The following DNAH11 variants were observed in gnomAD, a reference collection of about 807,000 sequenced individuals.
DNAH11 encodes dynein axonemal heavy chain 11.
A neutral mutation model predicts 526.0 loss-of-function variants in DNAH11; 442 were observed. The ratio of observed to expected loss-of-function variants is 0.84; its 90% confidence interval spans 0.78 to 0.91. The LOEUF (loss-of-function observed/expected upper bound fraction) is 0.91. Ranked by LOEUF, DNAH11 falls within the 40% of genes least tolerant of loss-of-function variation. The pLI is 0.00. For synonymous variants in DNAH11, 2,461 were observed against 1,935.9 expected (o/e 1.27, Z -7.12); for missense variants, 6,989 against 5,448.7 (o/e 1.28, Z -8.90).
chr7:21,854,541 A>T, intron 68 of DNAH11, 86 bp downstream of exon 68: 2 of 1,315,256 alleles, frequency 1.5e-6, no homozygotes, highest in Non-Finnish European at 2.1e-6. Flanking sequence ...ATTATTGATA[A>T]TAATAATAAC....
At chr7:21,737,755 C>G (rs182125925) in intron 46 of DNAH11, among the ~76,000 whole-genome samples, 22 of 152,244 alleles carry the variant, frequency 1.4e-4, no homozygotes, top group African/African-American at 5.1e-4. Context: ...ACCCCCTAAG[C>G]AGGACCACAA....
chr7:21,690,886 G>C lies in DNAH11; in HGVS notation c.6041+5G>C, dbSNP rs1388934260. 2 of 1,606,360 alleles carry C rather than the reference G, an allele frequency of 1.2e-6. No homozygotes were observed. Among genetic ancestry groups the C allele is most frequent in the Non-Finnish European group, 1.7e-6 (2 of 1,174,340 alleles). ...AAATCTCAAAGCTCTTTTCAGGCAA[G>C]TGTTATGCTTTGTGGCTTAGCATCT... On this transcript the variant is annotated splice_donor_5th_base_variant and intron_variant, in intron 35 of 81. Transcript: ENST00000409508.
At chr7:21,707,163 T>A (rs995588910) in intron 39 of DNAH11, among the ~76,000 whole-genome samples, 1 of 152,140 alleles carries the variant, frequency 6.6e-6, no homozygotes, top group African/African-American at 2.4e-5. Flanking sequence ...CTGCCCTAAG[T>A]CTCTAGGTCT....
intron 28 of DNAH11, among the ~76,000 whole-genome samples, chr7:21,651,174 TC>T (rs1781749995): frequency 6.6e-6 from 1 of 152,090 alleles, no homozygotes; most frequent in African/African-American, 2.4e-5. Flanking sequence ...TATGAATGAG[TC>T]CTGAGGTGCT....
chr7:21,554,572 G>A (rs988701042), intron 2 of DNAH11, among the ~76,000 whole-genome samples: 1 of 152,108 alleles, frequency 6.6e-6, no homozygotes, highest in African/African-American at 2.4e-5. Flanking sequence ...CTCCCAGATG[G>A]TTATGGCCCC....
At chr7:21,730,744 T>G (rs1785343179) in intron 45 of DNAH11, among the ~76,000 whole-genome samples, 1 of 152,106 alleles carries the variant, frequency 6.6e-6, no homozygotes, top group African/African-American at 2.4e-5. Context: ...TTAGGAGAAA[T>G]AAGTTCAAGA....
At position 21,694,273 on chromosome 7, in the gene DNAH11, C is replaced by T. The variant is rs117962019; in HGVS notation, c.6041+3392C>T. Among the ~76,000 whole-genome samples, 597 of 152,210 alleles carry T rather than the reference C, an allele frequency of 3.9e-3. 3 individuals carry two copies. The highest frequency in any genetic ancestry group is 0.01 in the Middle Eastern group (3 of 294). ...GGTATACATGTGCAATGGTCGTTTG[C>T]TGCACCCATCAACCCATCATCTAGG... On this transcript the variant is annotated intron_variant, in intron 35 of 81. Coordinates refer to ENST00000409508, the MANE Select transcript of DNAH11 (RefSeq NM_001277115.2).
In DNAH11 at chr7:21,774,819, C is replaced by G. The variant is rs76169292; in HGVS notation, c.9336+820C>G. Among the ~76,000 whole-genome samples, 361 of 152,248 alleles carry G rather than the reference C, an allele frequency of 2.4e-3. 6 individuals are homozygous for G. The highest frequency in any genetic ancestry group is 6.0e-3 in the East Asian group (31 of 5,152). ...CTTTGAAGAGTAGCCCAGCCTTATTCTGAGCCAGTCAGGACTTAGAGCTGG... is the reference window on the plus strand; with the variant it reads ...CTTTGAAGAGTAGCCCAGCCTTATTGTGAGCCAGTCAGGACTTAGAGCTGG... On this transcript the variant is annotated intron_variant, in intron 56 of 81. Transcript: ENST00000409508.
intron 61 of DNAH11, among the ~76,000 whole-genome samples, chr7:21,792,966 T>A (rs1255461866): frequency 6.6e-6 from 1 of 152,178 alleles, no homozygotes; most frequent in Non-Finnish European, 1.5e-5. Flanking sequence ...ATCATTAGAT[T>A]TGTTATTTGA....
At chr7:21,842,443 C>G in intron 65 of DNAH11, 101 bp from the exon 66 acceptor site, 2 of 999,882 alleles carry the variant, frequency 2.0e-6, no homozygotes, top group African/African-American at 1.6e-5. Context: ...ACCTGAGCTT[C>G]TGGCCAAGGT....
intron 73 of DNAH11, among the ~76,000 whole-genome samples, chr7:21,872,055 C>G (rs137941336): frequency 7.4e-6 from 1 of 135,146 alleles, no homozygotes; most frequent in African/African-American, 2.7e-5. Context: ...ACCCAGGAGA[C>G]GGAGTTTGCA....
In DNAH11 at chr7:21,600,848, C is replaced by A. The variant is rs756753955; in HGVS notation, c.3173C>A (p.Ala1058Asp). 1.9e-5 allele frequency: 30 copies of A among 1,613,790 alleles called. No individual in the cohort carries two copies. The African/African-American group carries it at 4.0e-4, about 22-fold the overall frequency. ...AAGCATTTTCTCTTGTATGGCCATGCTGTGTCTTCCGATGAAATGGATGCT... is the reference window on the plus strand; with the variant it reads ...AAGCATTTTCTCTTGTATGGCCATGATGTGTCTTCCGATGAAATGGATGCT... ...FMKHFLLYGH[A>D]VSSDEMDAHA... Residue 1058 changes from alanine (A) to aspartate (D), a missense_variant, in exon 16 of 82, where the codon GCT becomes GAT. Coordinates refer to ENST00000409508, the MANE Select transcript of DNAH11 (RefSeq NM_001277115.2).
At chr7:21,776,481 C>T (rs1373642645) in intron 56 of DNAH11, among the ~76,000 whole-genome samples, 1 of 152,168 alleles carries the variant, frequency 6.6e-6, no homozygotes, top group East Asian at 1.9e-4. Context: ...CTCTAAGGGT[C>T]TGCCTTAAGG....
intron 2 of DNAH11, among the ~76,000 whole-genome samples, chr7:21,551,017 A>G (rs1783001539): frequency 6.6e-6 from 1 of 152,202 alleles, no homozygotes; most frequent in Non-Finnish European, 1.5e-5. Context: ...TAGTGAGGGT[A>G]TAAATCCCTA....
chr7:21,574,867 CTTTTTTTTTT>C (rs869117425), intron 8 of DNAH11, among the ~76,000 whole-genome samples: 1 of 42,860 alleles, frequency 2.3e-5, no homozygotes, highest in South Asian at 1.3e-3. Context: ...CTGCACTGGG[CTTTTTTTTTT>C]TTTTTTTTTT....
chr7:21,797,951 A>G (rs77014283), intron 61 of DNAH11, among the ~76,000 whole-genome samples: 7,101 of 152,328 alleles, frequency 0.047, 491 homozygotes, highest in East Asian at 0.25. Context: ...GCATTAAGAC[A>G]CATTTTATTC....
intron 57 of DNAH11, among the ~76,000 whole-genome samples, chr7:21,782,408 G>GAA (rs1787984523): frequency 6.6e-6 from 1 of 152,174 alleles, no homozygotes; most frequent in Admixed American, 6.5e-5. Context: ...GAGATATACA[G>GAA]AATTTTCACT....
chr7:21,561,745 A>G (rs995458170), intron 5 of DNAH11, among the ~76,000 whole-genome samples: 21 of 152,294 alleles, frequency 1.4e-4, no homozygotes, highest in African/African-American at 5.1e-4. Context: ...AGCCCCACCC[A>G]AAGATGACAA....
chr7:21,605,738 A>G (rs1785255190), intron 18 of DNAH11, among the ~76,000 whole-genome samples: 1 of 152,184 alleles, frequency 6.6e-6, no homozygotes, highest in African/African-American at 2.4e-5. Flanking sequence ...ATTACTAAAC[A>G]TGGCTGGCTT....
Sources: allele counts gnomAD v4.1 joint callset (sites outside exome capture counted in the v4.1 genomes callset), GRCh38; gene constraint gnomAD v4.1.1; transcripts MANE v1.5; gene names NCBI Gene and HGNC (gene_info 2026-07-23, HGNC 2026-07-21).